The following RNF157 variants were observed in gnomAD, a reference collection of about 807,000 sequenced individuals.
RNF157 encodes ring finger protein 157, also known as E3 ubiquitin ligase RNF157.
Under a neutral mutation model 88.3 loss-of-function variants are expected in RNF157, and 55 were observed. The ratio of observed to expected loss-of-function variants is 0.62; its 90% CI spans 0.50 to 0.78. The LOEUF (loss-of-function observed/expected upper bound fraction) is 0.78, where lower values mean the gene tolerates loss of function less well. Among genes scored for constraint, RNF157 ranks in the 30% least tolerant of loss-of-function variants. RNF157 has a pLI of 0.00. For missense variants in RNF157, 788 were observed against 860.8 expected, an observed-to-expected ratio of 0.92 and a Z score of 1.06; for synonymous variants, 334 against 341.2, an observed-to-expected ratio of 0.98 and a Z score of 0.23.
chr17:76,212,579 G>T, intron 1 of RNF157, 97 bp from the exon 2 acceptor site: 1 of 804,288 alleles, frequency 1.2e-6, no homozygotes, highest in South Asian at 1.6e-5. Flanking sequence ...TTAACCTTTT[G>T]GGCTGTGCGT....
At chr17:76,230,287 G>A (rs1446826027) in intron 1 of RNF157, among the ~76,000 whole-genome samples, 1 of 152,138 alleles carries the variant, frequency 6.6e-6, no homozygotes, top group Admixed American at 6.6e-5. Flanking sequence ...GCAACCAGCC[G>A]ACATTTAGGA....
intron 3 of RNF157, among the ~76,000 whole-genome samples, chr17:76,172,010 T>A (rs960946195): frequency 6.6e-6 from 1 of 152,320 alleles, no homozygotes; most frequent in East Asian, 1.9e-4. Flanking sequence ...GAGGCCTCGT[T>A]AGTCTGCTCT....
intron 1 of RNF157, among the ~76,000 whole-genome samples, chr17:76,234,046 A>AGCCACTGC (rs2070239735): frequency 6.6e-6 from 1 of 152,166 alleles, no homozygotes; most frequent in African/African-American, 2.4e-5. Context: ...CCGCAGGCAC[A>AGCCACTGC]GCCACTGCGC....
At chr17:76,218,502 AG>A (rs2069928500) in intron 1 of RNF157, among the ~76,000 whole-genome samples, 1 of 152,154 alleles carries the variant, frequency 6.6e-6, no homozygotes, top group African/African-American at 2.4e-5. Flanking sequence ...AAAGTTAGCC[AG>A]GCATGGTGGC....
chr17:76,197,255 GAGGTAC>G (rs2069493610), intron 2 of RNF157, among the ~76,000 whole-genome samples: 1 of 152,212 alleles, frequency 6.6e-6, no homozygotes. Flanking sequence ...CTTGGTACAG[GAGGTAC>G]AGGAGAAACA....
chr17:76,182,836 T>G (rs557478998), intron 2 of RNF157, among the ~76,000 whole-genome samples: 15 of 137,926 alleles, frequency 1.1e-4, no homozygotes, highest in East Asian at 2.0e-4. Flanking sequence ...ATCCTATATA[T>G]GATATATAGG....
chr17:76,147,350 G>C (rs2144785374), intron 18 of RNF157: 1 of 986,808 alleles, frequency 1.0e-6, no homozygotes, highest in Non-Finnish European at 1.2e-6. Context: ...GTAAACAAGA[G>C]AGAAGACACA....
intron 2 of RNF157, among the ~76,000 whole-genome samples, chr17:76,192,523 A>T (rs547156130): frequency 6.6e-6 from 1 of 152,320 alleles, no homozygotes; most frequent in East Asian, 1.9e-4. Flanking sequence ...GAATACACGA[A>T]CAACAAGATC....
chr17:76,152,554 C>A (rs558779945), intron 17 of RNF157, 89 bp from the exon 18 acceptor site: 29 of 735,308 alleles, frequency 3.9e-5, no homozygotes, highest in Middle Eastern at 2.4e-4. Context: ...AGGATGGAGA[C>A]AAAAAAAATC....
chr17:76,205,848 C>T (rs575816428), intron 2 of RNF157, among the ~76,000 whole-genome samples: 8 of 152,268 alleles, frequency 5.3e-5, no homozygotes, highest in South Asian at 2.1e-4. Context: ...ACAGAACACA[C>T]GAGAGGATAC....
intron 3 of RNF157, among the ~76,000 whole-genome samples, chr17:76,169,723 G>A (rs1328330965): frequency 6.6e-6 from 1 of 151,964 alleles, no homozygotes. Context: ...GGGATTATAG[G>A]CGTGTGCCAC....
rs563821801 is a variant in RNF157 at position 76,209,833 on chromosome 17, T to C, written c.207+2531A>G. 1.5e-4 allele frequency among the ~76,000 whole-genome samples: 23 copies of C among 152,250 alleles called. 1 individual carries two copies. The highest frequency in any genetic ancestry group is 6.2e-4 in the South Asian group (3 of 4,826). On this transcript the variant is annotated intron_variant, in intron 2 of 18. Coordinates refer to ENST00000269391, the MANE Select transcript of RNF157 (RefSeq NM_052916.3). ...GGAGTGCAGTGGAATGATCTTGGCTTACTGCAACCTCCGCCTCCTGGGTTC... is the reference window on the plus strand; with the variant it reads ...GGAGTGCAGTGGAATGATCTTGGCTCACTGCAACCTCCGCCTCCTGGGTTC...
chr17:76,216,269 G>T (rs2069886667), intron 1 of RNF157, among the ~76,000 whole-genome samples: 1 of 152,064 alleles, frequency 6.6e-6, no homozygotes. Context: ...AAAATCCATG[G>T]ATGATTGGCT....
chr17:76,217,372 T>C (rs1447594366), intron 1 of RNF157, among the ~76,000 whole-genome samples: 1 of 152,148 alleles, frequency 6.6e-6, no homozygotes, highest in Non-Finnish European at 1.5e-5. Flanking sequence ...AACCAAAAAT[T>C]TGCTTTTTCC....
intron 2 of RNF157, among the ~76,000 whole-genome samples, chr17:76,178,563 G>A (rs1267652479): frequency 6.6e-6 from 1 of 152,256 alleles, no homozygotes. Context: ...GAAGCCCAAT[G>A]TGCCTGAGCC....
chr17:76,189,952 G>A (rs1055025214), intron 2 of RNF157, among the ~76,000 whole-genome samples: 1 of 152,170 alleles, frequency 6.6e-6, no homozygotes, highest in African/African-American at 2.4e-5. Flanking sequence ...CTCCAGCCCT[G>A]TAGACCTTCC....
intron 2 of RNF157, among the ~76,000 whole-genome samples, chr17:76,197,154 G>A (rs989827558): frequency 6.6e-6 from 1 of 152,220 alleles, no homozygotes; most frequent in Non-Finnish European, 1.5e-5. Flanking sequence ...TGGGTGGAAA[G>A]TGGATGGTCC....
In RNF157 at chr17:76,193,043, T is replaced by C. The variant is rs192379256; in HGVS notation, c.208-19253A>G. Among the ~76,000 whole-genome samples the C allele has an allele frequency of 2.0e-5, 3 of 152,080 alleles. No individual in the cohort carries two copies. The East Asian group carries it at 5.8e-4, about 29-fold the overall frequency. ...GCTGTTTCCCAGGCTGGTCTCAAACTCCAGAGCTCAAGTGATCCTCCCGCC... is the reference window on the plus strand; with the variant it reads ...GCTGTTTCCCAGGCTGGTCTCAAACCCCAGAGCTCAAGTGATCCTCCCGCC... On this transcript the variant is annotated intron_variant, in intron 2 of 18. Transcript: ENST00000269391.
At chr17:76,148,845 C>T (rs904787156) in intron 18 of RNF157, among the ~76,000 whole-genome samples, 1 of 152,218 alleles carries the variant, frequency 6.6e-6, no homozygotes, top group African/African-American at 2.4e-5. Context: ...GCTGGGATTA[C>T]AGGCGTGAGC....
Sources: allele counts gnomAD v4.1 joint callset (sites outside exome capture counted in the v4.1 genomes callset), GRCh38; gene constraint gnomAD v4.1.1; transcripts MANE v1.5; gene names NCBI Gene and HGNC (gene_info 2026-07-23, HGNC 2026-07-21).